The following ITPKB variants were observed in gnomAD, a reference collection of about 807,000 sequenced individuals.
ITPKB encodes the protein IP3 3-kinase B.
In ITPKB, 13 loss-of-function variants were observed where a neutral mutation model predicts 69.4. The ratio of observed to expected loss-of-function variants is 0.19; its 90% CI spans 0.12 to 0.30. The LOEUF is 0.30. Among genes scored for constraint, ITPKB ranks in the 10% least tolerant of loss-of-function variants. The probability of loss-of-function intolerance (pLI) is 1.00; values close to 1 mark genes in which losing one functional copy is unlikely to be tolerated. For synonymous variants in ITPKB, 584 were observed against 513.7 expected, an observed-to-expected ratio of 1.14 and a Z score of -1.85; for missense variants, 1,240 against 1,250.5, an observed-to-expected ratio of 0.99 and a Z score of 0.13.
chr1:226,737,831 G>A (rs12138905), intron 1 of ITPKB, among the ~76,000 whole-genome samples, 168 bp from the exon 2 acceptor site: 71 of 152,110 alleles, frequency 4.7e-4, no homozygotes, highest in Non-Finnish European at 9.4e-4. Context: ...GCATGCCCCG[G>A]CTGCCTCGGT....
chr1:226,699,114 T>C (rs1173056669), intron 2 of ITPKB, among the ~76,000 whole-genome samples: 4 of 152,204 alleles, frequency 2.6e-5, no homozygotes, highest in African/African-American at 9.6e-5. Context: ...AGTATGCTGA[T>C]AATAAGGTCC....
chr1:226,661,802 G>A (rs760317874), intron 2 of ITPKB, among the ~76,000 whole-genome samples: 5 of 152,140 alleles, frequency 3.3e-5, no homozygotes, highest in South Asian at 2.1e-4. Flanking sequence ...CCTATGGATC[G>A]GATGAACTGT....
intron 2 of ITPKB, among the ~76,000 whole-genome samples, chr1:226,705,218 G>A (rs1656770018): frequency 6.6e-6 from 1 of 152,234 alleles, no homozygotes; most frequent in Non-Finnish European, 1.5e-5. Context: ...GAGGAAGAGA[G>A]GAGAGTCCAG....
At chr1:226,671,117 CT>C in intron 2 of ITPKB, among the ~76,000 whole-genome samples, 1 of 152,214 alleles carries the variant, frequency 6.6e-6, no homozygotes, top group Non-Finnish European at 1.5e-5. Context: ...GAGCTCAGGA[CT>C]GAAAACTGTT....
chr1:226,707,877 C>T, intron 2 of ITPKB: 5 of 1,306,224 alleles, frequency 3.8e-6, no homozygotes, highest in Non-Finnish European at 5.0e-6. Flanking sequence ...GGACGTTGCC[C>T]CAGCAGTACC....
At chr1:226,674,869 T>A (rs1669696041) in intron 2 of ITPKB, 1 of 152,246 alleles carries the variant, frequency 6.6e-6, no homozygotes, top group African/African-American at 2.4e-5. Context: ...ACTGAGGCTG[T>A]GAGCTTCCTG....
chr1:226,645,756 T>C (rs899966224), intron 4 of ITPKB, among the ~76,000 whole-genome samples: 5 of 152,160 alleles, frequency 3.3e-5, no homozygotes, highest in African/African-American at 1.2e-4. Context: ...TGGGGGCATG[T>C]TCTTTCTCCT....
At chr1:226,702,227 C>T (rs904201023) in intron 2 of ITPKB, among the ~76,000 whole-genome samples, 3 of 152,062 alleles carry the variant, frequency 2.0e-5, no homozygotes, top group African/African-American at 4.8e-5. Context: ...AAAACCCCGT[C>T]TCTACTAAAA....
chr1:226,653,077 T>C (rs1215279589), intron 2 of ITPKB, among the ~76,000 whole-genome samples: 1 of 152,220 alleles, frequency 6.6e-6, no homozygotes, highest in African/African-American at 2.4e-5. Flanking sequence ...TTACCACTTA[T>C]GGGGCTCTCG....
intron 2 of ITPKB, among the ~76,000 whole-genome samples, chr1:226,732,204 A>AC (rs1209387228): frequency 1.3e-5 from 2 of 150,482 alleles, no homozygotes; most frequent in African/African-American, 2.4e-5. Flanking sequence ...TTCTTTATAC[A>AC]CCCCACAGGT....
chr1:226,650,416 G>A lies in ITPKB; in HGVS notation c.1933-1645C>T, dbSNP rs146036415. Among the ~76,000 whole-genome samples the A allele has an allele frequency of 4.6e-3, 698 of 152,350 alleles. 7 individuals are homozygous for A. The highest frequency in any genetic ancestry group is 0.016 in the African/African-American group (657 of 41,584). On this transcript the variant is annotated intron_variant, in intron 2 of 7. Transcript: ENST00000429204. The stretch of plus-strand genomic sequence containing the variant: ...AAAAGGGCCGAGGCTTTACTGACAA[G>A]GATGTTTTTCCTAGATCCTTCTGAT...
chr1:226,736,635 A>G lies in ITPKB; in HGVS notation c.824T>C (p.Ile275Thr), dbSNP rs368372143. 23 of 1,613,388 alleles carry G rather than the reference A, an allele frequency of 1.4e-5. No individual in the cohort carries two copies. Among genetic ancestry groups the G allele is most frequent in the Non-Finnish European group, 1.9e-5 (22 of 1,179,996 alleles). Residue 275 changes from isoleucine (I) to threonine (T), a missense_variant, in exon 2 of 8, where the codon ATT (isoleucine) becomes ACT (threonine). Physicochemically the swap from Ile to Thr is moderately conservative, Grantham distance 89. Transcript: ENST00000429204. Reference sequence around the variant, plus strand: ...CGGGGTAGGAGAGCCCCTTTTGTCAATTTCCATAGCTGTGGGTGAGCCACA... The same window carrying G: ...CGGGGTAGGAGAGCCCCTTTTGTCAGTTTCCATAGCTGTGGGTGAGCCACA... Reference protein sequence around the residue: ...PRCGSPTAMEIDKRGSPTPGT... With the variant: ...PRCGSPTAMETDKRGSPTPGT...
chr1:226,652,517 G>T (rs984493444), intron 2 of ITPKB, among the ~76,000 whole-genome samples: 9 of 152,226 alleles, frequency 5.9e-5, no homozygotes, highest in Non-Finnish European at 1.2e-4. Flanking sequence ...GCCCTCCCTT[G>T]TGGGAGATAT....
chr1:226,711,572 C>T (rs1036047648), intron 2 of ITPKB, among the ~76,000 whole-genome samples: 1 of 151,986 alleles, frequency 6.6e-6, no homozygotes, highest in African/African-American at 2.4e-5. Flanking sequence ...GATCGTCCGA[C>T]CGAAAATGAC....
At chr1:226,652,974 C>T (rs970422977) in intron 2 of ITPKB, among the ~76,000 whole-genome samples, 21 of 152,074 alleles carry the variant, frequency 1.4e-4, no homozygotes, top group South Asian at 4.1e-4. Flanking sequence ...TGCTGCTGGC[C>T]GGCATTGCTT....
At chr1:226,709,482 TG>T (rs1656889073) in intron 2 of ITPKB, among the ~76,000 whole-genome samples, 1 of 152,168 alleles carries the variant, frequency 6.6e-6, no homozygotes, top group African/African-American at 2.4e-5. Flanking sequence ...ACACTTAAAA[TG>T]TATGGGTGGG....
intron 2 of ITPKB, among the ~76,000 whole-genome samples, chr1:226,688,881 C>T (rs947539482): frequency 1.3e-5 from 2 of 152,128 alleles, no homozygotes; most frequent in Admixed American, 6.5e-5. Flanking sequence ...ACTCTTTTTG[C>T]TCCCATTACC....
At chr1:226,721,936 C>T (rs1330277731) in intron 2 of ITPKB, among the ~76,000 whole-genome samples, 1 of 151,906 alleles carries the variant, frequency 6.6e-6, no homozygotes, top group East Asian at 1.9e-4. Context: ...GCCTCAGCCT[C>T]AGGATTAGCT....
intron 2 of ITPKB, among the ~76,000 whole-genome samples, chr1:226,692,284 C>A (rs1399651679): frequency 6.6e-6 from 1 of 151,878 alleles, no homozygotes; most frequent in Non-Finnish European, 1.5e-5. Flanking sequence ...TTTTTATAAT[C>A]CTGCTTGCCT....
Sources: gnomAD v4.1 joint callset for allele counts (sites outside exome capture counted in the v4.1 genomes callset) on GRCh38, gnomAD v4.1.1 for gene constraint, MANE v1.5 for transcripts, NCBI Gene and HGNC (gene_info 2026-07-23, HGNC 2026-07-21) for gene names.